The following POMGNT1 variants were observed in gnomAD, a reference collection of about 807,000 sequenced individuals.
POMGNT1 encodes protein O-linked mannose N-acetylglucosaminyltransferase 1 (beta 1,2-), also known as protein O-linked-mannose beta-1,2-N-acetylglucosaminyltransferase 1.
In POMGNT1, 67 loss-of-function variants were observed where a neutral mutation model predicts 95.6. The observed-to-expected ratio is 0.70, with a 90% CI of 0.58 to 0.86. The LOEUF (loss-of-function observed/expected upper bound fraction) is 0.86, where lower values mean the gene tolerates loss of function less well. Among genes scored for constraint, POMGNT1 ranks in the 40% least tolerant of loss-of-function variants. The pLI, the probability that POMGNT1 is intolerant of heterozygous loss-of-function variation, is 0.00. For synonymous variants in POMGNT1, 298 were observed against 317.9 expected (o/e 0.94, Z 0.66); for missense variants, 719 against 855.2 (o/e 0.84, Z 1.99).
In POMGNT1 at chr1:46,196,844, C is replaced by T; in HGVS notation, c.241G>A (p.Ala81Thr). 6.2e-7 allele frequency: 1 copy of T among 1,614,188 alleles called. No individual in the cohort carries two copies. Among genetic ancestry groups the T allele is most frequent in the Non-Finnish European group, 8.5e-7 (1 of 1,180,040 alleles). Reference protein sequence around the residue: ...DPEPEQDYDEALGRLEPPRRR... With the variant: ...DPEPEQDYDETLGRLEPPRRR... ...CGTGGGGGCTCCAGGCGGCCTAGGG[C>T]CTCATCTGTGGGGTACAACAGGTCA... Residue 81 changes from alanine to threonine, a missense_variant, in exon 4 of 22, where the codon GCC becomes ACC. Around this residue, in one of 5 missense-constraint regions of POMGNT1, gnomAD observed 466 missense variants for 517.4 expected, o/e 0.90. Transcript: ENST00000371984. The surrounding 1 kb of genome is among the most constrained non-coding windows in gnomAD (Gnocchi z 4.4).
At chr1:46,204,454 A>G (rs989130543) in intron 1 of POMGNT1, among the ~76,000 whole-genome samples, 1 of 152,236 alleles carries the variant, frequency 6.6e-6, no homozygotes, top group Non-Finnish European at 1.5e-5. Context: ...CTTTGCAGCC[A>G]GTTCTGGGGA....
chr1:46,216,432 C>A (rs936979073), intron 1 of POMGNT1, among the ~76,000 whole-genome samples: 2 of 152,092 alleles, frequency 1.3e-5, no homozygotes, highest in Non-Finnish European at 2.9e-5. Flanking sequence ...GCCTTGACCC[C>A]CCAGGCTCAA....
chr1:46,194,443 A>C, intron 8 of POMGNT1, 42 bp from the exon 9 acceptor site: 1 of 1,614,048 alleles, frequency 6.2e-7, no homozygotes, highest in Non-Finnish European at 8.5e-7. Context: ...TGGGGCCAGC[A>C]AGGTTTGAAG....
Position 46,197,879 on chromosome 1 carries a change from G to C in POMGNT1, c.-50-8C>G. ...GCCCATGACTTCAGGAATCTGAAGG[G>C]ACCAGAGGGCCACATGGGGTAAGAT... is the stretch of plus-strand genomic sequence containing the variant. On this transcript the variant is annotated splice_region_variant and splice_polypyrimidine_tract_variant and intron_variant, in intron 1 of 21. Coordinates refer to ENST00000371984, the MANE Select transcript of POMGNT1 (RefSeq NM_017739.4). 1.2e-6 allele frequency: 2 copies of C among 1,610,070 alleles called. No individual in the cohort carries two copies. The highest frequency in any genetic ancestry group is 1.7e-6 in the Non-Finnish European group (2 of 1,178,432).
chr1:46,203,589 T>C (rs746239517), intron 1 of POMGNT1: 1 of 1,588,928 alleles, frequency 6.3e-7, no homozygotes, highest in Non-Finnish European at 8.5e-7. Context: ...CGGCCACGAC[T>C]TGGGGGACAA....
rs112646799 is a variant in POMGNT1, at chr1:46,214,164, G to A, written c.-51+5541C>T. 8.2e-3 allele frequency among the ~76,000 whole-genome samples: 1,255 copies of A among 152,246 alleles called. 19 individuals carry two copies. The highest frequency in any genetic ancestry group is 0.037 in the Middle Eastern group (11 of 294). On this transcript the variant is annotated intron_variant, in intron 1 of 22. Transcript: ENST00000371992. ...AATTTGAGACCAGCCTGGCCAACAT[G>A]ATGAAACCCCATCCCTACTGAAAAT... is the stretch of plus-strand genomic sequence containing the variant.
chr1:46,206,179 G>T (rs1658708651), intron 1 of POMGNT1, among the ~76,000 whole-genome samples: 1 of 152,198 alleles, frequency 6.6e-6, no homozygotes, highest in Non-Finnish European at 1.5e-5. Flanking sequence ...AAGAATGCAC[G>T]GGTTCAAGTC....
In POMGNT1 at chr1:46,194,931, C is replaced by T. The variant is rs949714416; in HGVS notation, c.565G>A (p.Ala189Thr). Residue 189 changes from alanine (A) to threonine (T), a missense_variant, in exon 7 of 22, where the codon GCC becomes ACC. This residue lies in a region of POMGNT1 where 466 missense variants were observed against 517.4 expected (regional missense o/e 0.90). Coordinates refer to ENST00000371984, the MANE Select transcript of POMGNT1 (RefSeq NM_017739.4). Reference sequence around the variant, plus strand: ...CCCAGGCTCCTCAGCAGAGCCTTGGCTGTGTCCTTGAGGTGGAAGGAGCCC... The same window carrying T: ...CCCAGGCTCCTCAGCAGAGCCTTGGTTGTGTCCTTGAGGTGGAAGGAGCCC... ...DEGSFHLKDT[A>T]KALLRSLGSQ... 1 of 1,614,048 alleles carries T rather than the reference C, an allele frequency of 6.2e-7. No individual in the cohort carries two copies. Among genetic ancestry groups the T allele is most frequent in the Non-Finnish European group, 8.5e-7 (1 of 1,180,068 alleles).
chr1:46,189,827 T>TC, intron 20 of POMGNT1, 27 bp downstream of exon 20: 1 of 1,613,232 alleles, frequency 6.2e-7, no homozygotes, highest in Non-Finnish European at 8.5e-7. Flanking sequence ...GGAGGGGTTC[T>TC]CCAGGGTGGG....
At chr1:46,213,112 CATAT>C (rs1658954588) in intron 1 of POMGNT1, among the ~76,000 whole-genome samples, 1 of 151,896 alleles carries the variant, frequency 6.6e-6, no homozygotes, top group Non-Finnish European at 1.5e-5. Context: ...TATATATGCA[CATAT>C]ATATAAACAT....
At position 46,196,105 on chromosome 1, in the gene POMGNT1, C is replaced by G. The variant is rs777719680; in HGVS notation, c.355-28G>C. 1 of 1,613,658 alleles carries G rather than the reference C, an allele frequency of 6.2e-7. No homozygotes were observed. Among genetic ancestry groups the G allele is most frequent in the Non-Finnish European group, 8.5e-7 (1 of 1,180,018 alleles). ...ACACAGTGGCAGAGACAAAGTCCAG[C>G]TTTTCACTCTGGCATTCAAGGTGTC... On this transcript the variant is annotated intron_variant, in intron 4 of 21. Transcript: ENST00000371984. The surrounding 1 kb of genome is among the most constrained non-coding windows in gnomAD (Gnocchi z 4.4).
chr1:46,194,393 A>T lies in POMGNT1; in HGVS notation c.760T>A (p.Cys254Ser). 8 of 1,614,058 alleles carry T rather than the reference A, an allele frequency of 5.0e-6. No homozygotes were observed. The highest frequency in any genetic ancestry group is 6.8e-6 in the Non-Finnish European group (8 of 1,180,004). Reference sequence around the variant, plus strand: ...TTCAGCTCTGTGTCTGCCCAGTGGCACTCTGCCTCTGAGGGAAGGATGCGG... The same window carrying T: ...TTCAGCTCTGTGTCTGCCCAGTGGCTCTCTGCCTCTGAGGGAAGGATGCGG... ...VPLSSAEEAE[C>S]HWADTELNRR... The change falls in exon 9 of 22, where the codon TGC becomes AGC. Residue 254 changes from cysteine (C) to serine (S), a missense_variant. Physicochemically the swap from Cys to Ser is moderately radical, Grantham distance 112. Around this residue, in one of 5 missense-constraint regions of POMGNT1, gnomAD observed 466 missense variants for 517.4 expected, o/e 0.90. Coordinates refer to ENST00000371984, the MANE Select transcript of POMGNT1 (RefSeq NM_017739.4).
intron 1 of POMGNT1, among the ~76,000 whole-genome samples, chr1:46,203,935 G>A (rs1658630561): frequency 6.6e-6 from 1 of 152,016 alleles, no homozygotes; most frequent in Non-Finnish European, 1.5e-5. Context: ...AGAACCCAAC[G>A]CAGCACAAAT....
rs367848204 is a variant in POMGNT1, at chr1:46,189,522, G to A, written c.1831C>T (p.Leu611=). The change falls in exon 21 of 22, where the codon CTG becomes TTG. Residue 611 remains leucine, a synonymous_variant. Coordinates refer to ENST00000371984, the MANE Select transcript of POMGNT1 (RefSeq NM_017739.4). ...DLDVRGNHRG[L]WRLFRKKNHF... ...TTCTTCTTCCGAAACAATCTCCACA[G>A]GCCCCGATGGTTGCCACGCACATCC... 372 of 1,613,416 alleles carry A rather than the reference G, an allele frequency of 2.3e-4. 1 individual carries two copies. Among genetic ancestry groups the A allele is most frequent in the Non-Finnish European group, 2.9e-4 (343 of 1,179,794 alleles).
chr1:46,200,887 G>A (rs1484022252), upstream of POMGNT1, among the ~76,000 whole-genome samples: 5 of 151,852 alleles, frequency 3.3e-5, no homozygotes, highest in African/African-American at 1.2e-4. Flanking sequence ...CTGTAATCCC[G>A]GCACTTTGGG....
chr1:46,217,830 C>G (rs768624214), intron 1 of POMGNT1, among the ~76,000 whole-genome samples: 104 of 152,154 alleles, frequency 6.8e-4, no homozygotes, highest in Non-Finnish European at 1.3e-3. Flanking sequence ...GCACTCCAGC[C>G]TGGGCAACAA....
intron 1 of POMGNT1, among the ~76,000 whole-genome samples, chr1:46,214,727 G>A (rs549264771): frequency 5.3e-5 from 8 of 152,160 alleles, no homozygotes; most frequent in Admixed American, 6.6e-5. Context: ...TCAGCCAGAT[G>A]TGGTGGCAGA....
intron 19 of POMGNT1, 102 bp from the exon 20 acceptor site, chr1:46,190,091 G>A (rs1001782757): frequency 4.1e-6 from 4 of 980,852 alleles, no homozygotes; most frequent in African/African-American, 3.3e-5. Context: ...TTGCCACCTT[G>A]AAGTTCTTTT....
chr1:46,191,124 G>A (rs1020598195), intron 17 of POMGNT1: 16 of 359,156 alleles, frequency 4.5e-5, no homozygotes, highest in Non-Finnish European at 7.6e-5. Context: ...AGGAGGTGGT[G>A]GGCAAAGGGA....
Sources: allele counts gnomAD v4.1 joint callset (sites outside exome capture counted in the v4.1 genomes callset), GRCh38; gene constraint gnomAD v4.1.1; regional missense constraint gnomAD v4.1.1; non-coding constraint Gnocchi (gnomAD v3.1); transcripts MANE v1.5; gene names NCBI Gene and HGNC (gene_info 2026-07-23, HGNC 2026-07-21).